Variants in PIK3C2G observed in about 807,000 individuals in gnomAD.
The protein encoded by PIK3C2G is phosphatidylinositol-4-phosphate 3-kinase catalytic subunit type 2 gamma, also known as phosphatidylinositol 3-kinase C2 domain-containing subunit gamma.
PIK3C2G carries 168 observed loss-of-function variants against 181.1 expected under a neutral mutation model. The observed-to-expected ratio is 0.93, with a 90% CI of 0.82 to 1.05. The LOEUF (loss-of-function observed/expected upper bound fraction) is 1.05, where lower values mean the gene tolerates loss of function less well. Among genes scored for constraint, PIK3C2G ranks in the 50% least tolerant of loss-of-function variants. The pLI is 0.00. For missense variants in PIK3C2G, 1,869 were observed against 1,732.8 expected (o/e 1.08, Z -1.40); for synonymous variants, 573 against 592.2 (o/e 0.97, Z 0.47).
intron 24 of PIK3C2G, among the ~76,000 whole-genome samples, chr12:18,524,226 G>C (rs1322539639): frequency 6.6e-6 from 1 of 152,158 alleles, no homozygotes; most frequent in African/African-American, 2.4e-5. Context: ...TGTAGAAACT[G>C]CAAGTCCAGG....
intron 17 of PIK3C2G, among the ~76,000 whole-genome samples, chr12:18,421,954 AG>A (rs754194784): frequency 1.3e-5 from 2 of 152,142 alleles, no homozygotes; most frequent in Non-Finnish European, 2.9e-5. Flanking sequence ...TAGCTGTACC[AG>A]AGAGTACAAT....
intron 11 of PIK3C2G, among the ~76,000 whole-genome samples, chr12:18,348,222 T>C (rs1939864800): frequency 6.6e-6 from 1 of 151,912 alleles, no homozygotes; most frequent in South Asian, 2.1e-4. Context: ...TATAAATATA[T>C]ACATATGTGT....
intron 24 of PIK3C2G, among the ~76,000 whole-genome samples, chr12:18,511,199 G>A (rs1358859098): frequency 7.2e-5 from 11 of 152,086 alleles, no homozygotes; most frequent in East Asian, 5.8e-4. Flanking sequence ...TTGTGTGTAC[G>A]TACTACATTT....
At chr12:18,477,071 G>A (rs755985965) in intron 18 of PIK3C2G, among the ~76,000 whole-genome samples, 20 of 152,052 alleles carry the variant, frequency 1.3e-4, no homozygotes, top group East Asian at 7.8e-4. Flanking sequence ...TTCTCCCTGC[G>A]TCCTCACATG....
intron 12 of PIK3C2G, among the ~76,000 whole-genome samples, chr12:18,364,882 AAAAC>A (rs139815938): frequency 0.11 from 16,853 of 151,744 alleles, 1,242 homozygotes; most frequent in Admixed American, 0.25. Context: ...AGCAAGTCTA[AAAAC>A]AAACAAACAA....
At chr12:18,269,293 T>C (rs1428486308) in intron 1 of PIK3C2G, among the ~76,000 whole-genome samples, 1 of 152,200 alleles carries the variant, frequency 6.6e-6, no homozygotes, top group African/African-American at 2.4e-5. Context: ...TATCTGTTCA[T>C]ATTTTTTATA....
At chr12:18,702,998 C>T in the PIK3C2G span, among the ~76,000 whole-genome samples, 1 of 151,760 alleles carries the variant, frequency 6.6e-6, no homozygotes, top group Admixed American at 6.6e-5. Flanking sequence ...CATTGAAAAG[C>T]ACCTCCCTGC....
At chr12:18,402,072 C>T (rs549188345) in intron 16 of PIK3C2G, among the ~76,000 whole-genome samples, 7 of 152,172 alleles carry the variant, frequency 4.6e-5, no homozygotes, top group East Asian at 3.9e-4. Context: ...AACTCATGCA[C>T]GCATGTTTGT....
chr12:18,622,071 T>C (rs1948888201), intron 31 of PIK3C2G, among the ~76,000 whole-genome samples: 1 of 151,946 alleles, frequency 6.6e-6, no homozygotes, highest in South Asian at 2.1e-4. Context: ...AATTAAAACA[T>C]TAGAAATTTG....
chr12:18,544,832 T>A (rs181741600), intron 25 of PIK3C2G, among the ~76,000 whole-genome samples: 1 of 151,992 alleles, frequency 6.6e-6, no homozygotes, highest in East Asian at 2.0e-4. Flanking sequence ...GACAGTCAAA[T>A]CTGTATTATA....
the PIK3C2G span, among the ~76,000 whole-genome samples, chr12:18,655,694 T>C: frequency 6.6e-6 from 1 of 151,120 alleles, no homozygotes; most frequent in Non-Finnish European, 1.5e-5. Context: ...GTGATGAAAG[T>C]GGCACTTTAC....
At chr12:18,397,351 G>C (rs61914535) in intron 15 of PIK3C2G, among the ~76,000 whole-genome samples, 19,138 of 151,884 alleles carry the variant, frequency 0.13, 1,240 homozygotes, top group African/African-American at 0.15. Context: ...CCCCATTAAA[G>C]AAATCTATAG....
At chr12:18,534,334 A>T (rs1943726669) in intron 24 of PIK3C2G, among the ~76,000 whole-genome samples, 1 of 152,034 alleles carries the variant, frequency 6.6e-6, no homozygotes, top group South Asian at 2.1e-4. Flanking sequence ...ATTTCTAAGT[A>T]TATATACATT....
chr12:18,378,750 C>A (rs994467738), intron 13 of PIK3C2G, among the ~76,000 whole-genome samples: 17 of 152,148 alleles, frequency 1.1e-4, no homozygotes, highest in Non-Finnish European at 2.4e-4. Flanking sequence ...GCAGCCAAAA[C>A]ACACATGAAA....
chr12:18,332,469 C>CA (rs1437636406), intron 8 of PIK3C2G, among the ~76,000 whole-genome samples: 2 of 152,124 alleles, frequency 1.3e-5, no homozygotes, highest in Non-Finnish European at 2.9e-5. Context: ...CCCTCCTCCA[C>CA]ATGGCGGCCA....
At chr12:18,290,801 A>G (rs1009021949) in intron 3 of PIK3C2G, 54 bp from the exon 4 acceptor site, 2 of 1,133,746 alleles carry the variant, frequency 1.8e-6, no homozygotes, top group African/African-American at 3.1e-5. Flanking sequence ...ATATGTTTTA[A>G]ACTGTGTCTT....
At chr12:18,587,974 T>C (rs1417838312) in intron 29 of PIK3C2G, among the ~76,000 whole-genome samples, 1 of 152,038 alleles carries the variant, frequency 6.6e-6, no homozygotes, top group African/African-American at 2.4e-5. Context: ...CAACCGTTTT[T>C]TGACAAACCT....
intron 18 of PIK3C2G, among the ~76,000 whole-genome samples, chr12:18,478,735 T>G (rs965218159): frequency 1.3e-5 from 2 of 152,124 alleles, no homozygotes; most frequent in Non-Finnish European, 2.9e-5. Context: ...CCCAACACTT[T>G]GGGAGGCCAA....
At position 18,281,987 on chromosome 12, in the gene PIK3C2G, T is replaced by C. The variant is rs1949239869; in HGVS notation, c.-78-17T>C. The C allele has an allele frequency of 1.4e-6, 1 of 711,934 alleles. No homozygotes were observed. The highest frequency in any genetic ancestry group is 2.7e-5 in the East Asian group (1 of 36,746). The allele number at this position is 711,934 out of a possible 1,614,324, so 44.1% of individuals were successfully genotyped here. Reference sequence around the variant, plus strand: ...TTCAAATTCAATATATTTTCTTTCATTTTATGCTTTTTCTAGGAAAATTTC... The same window carrying C: ...TTCAAATTCAATATATTTTCTTTCACTTTATGCTTTTTCTAGGAAAATTTC... On this transcript the variant is annotated splice_polypyrimidine_tract_variant and intron_variant, in intron 1 of 32. Coordinates refer to ENST00000538779, the MANE Select transcript of PIK3C2G (RefSeq NM_001288772.2).
Sources: gnomAD v4.1 joint callset for allele counts (sites outside exome capture counted in the v4.1 genomes callset) on GRCh38, gnomAD v4.1.1 for gene constraint, MANE v1.5 for transcripts, NCBI Gene and HGNC (gene_info 2026-07-23, HGNC 2026-07-21) for gene names.